The following BRI3 variants were observed in gnomAD, a reference collection of about 807,000 sequenced individuals.
BRI3 encodes the protein membrane protein BRI3.
A neutral mutation model predicts 12.8 loss-of-function variants in BRI3; 6 were observed. The observed-to-expected ratio is 0.47, with a 90% CI of 0.26 to 0.93. BRI3 has a LOEUF of 0.93. Among genes scored for constraint, BRI3 ranks in the 40% least tolerant of loss-of-function variants. The pLI is 0.15. For missense variants in BRI3, 134 were observed against 171.1 expected (o/e 0.78, Z 1.21); for synonymous variants, 91 against 76.1 (o/e 1.20, Z -1.02).
downstream of BRI3, chr7:98,293,324 T>C (rs1800047536): frequency 3.7e-6 from 2 of 536,710 alleles, no homozygotes; most frequent in Admixed American, 3.4e-5. Context: ...CATTAGACTA[T>C]TACTCATTTA....
downstream of BRI3, among the ~76,000 whole-genome samples, chr7:98,312,995 T>C (rs891678291): frequency 2.0e-5 from 3 of 152,260 alleles, no homozygotes; most frequent in African/African-American, 7.2e-5. Context: ...CAGGAGCCTG[T>C]CCTGCGGCTG....
At chr7:98,291,070 G>C in intron 2 of BRI3, 41 bp from the exon 3 acceptor site, 1 of 1,612,324 alleles carries the variant, frequency 6.2e-7, no homozygotes, top group Middle Eastern at 1.7e-4. Context: ...TGGCTGCCCG[G>C]GTCCTTACGG....
chr7:98,320,332 C>G, the BRI3 span: 3 of 1,501,446 alleles, frequency 2.0e-6, no homozygotes, highest in Middle Eastern at 1.7e-4. Flanking sequence ...AGCGGGAAGC[C>G]ATTGCGTATT....
At chr7:98,283,205 G>A (rs945478870) in intron 2 of BRI3, among the ~76,000 whole-genome samples, 2 of 151,988 alleles carry the variant, frequency 1.3e-5, no homozygotes, top group African/African-American at 4.8e-5. Flanking sequence ...AGAGTTGGCC[G>A]GGACAGGGTT....
chr7:98,315,513 G>C, the BRI3 span: 76 of 1,520,700 alleles, frequency 5.0e-5, no homozygotes, highest in Non-Finnish European at 6.6e-5. Context: ...TTATCAACCA[G>C]AAAGCAGAAG....
chr7:98,312,118 G>C, downstream of BRI3: 1 of 1,607,774 alleles, frequency 6.2e-7, no homozygotes, highest in Non-Finnish European at 8.5e-7. Context: ...TCTCGATCAT[G>C]GGTGAAGCCT....
downstream of BRI3, chr7:98,294,019 A>G (rs548665195): frequency 1.0e-4 from 160 of 1,583,532 alleles, no homozygotes; most frequent in African/African-American, 4.0e-5. Flanking sequence ...TCCGGGGGAC[A>G]CTACAGGGAA....
chr7:98,304,210 C>T (rs373469430), upstream of BRI3: 264 of 1,600,282 alleles, frequency 1.6e-4, no homozygotes, highest in Non-Finnish European at 2.1e-4. Flanking sequence ...GCCGCGGTCT[C>T]GGGCTTGGAC....
chr7:98,294,519 G>C (rs1418534839), downstream of BRI3, among the ~76,000 whole-genome samples: 2 of 152,190 alleles, frequency 1.3e-5, no homozygotes, highest in Non-Finnish European at 2.9e-5. Context: ...GCTCACATGT[G>C]AACGAGCCGC....
upstream of BRI3, chr7:98,304,066 C>T: frequency 1.0e-6 from 1 of 973,174 alleles, no homozygotes; most frequent in Non-Finnish European, 1.4e-6. Flanking sequence ...GTCCCCTCCT[C>T]CCTCCTCCCC....
Position 98,281,903 on chromosome 7 carries a change from GC to G in BRI3, c.113del (p.Pro38ArgfsTer38), listed in dbSNP as rs1256212689. 7.7e-7 allele frequency: 1 copy of G among 1,290,994 alleles called. No individual in the cohort carries two copies. The highest frequency in any genetic ancestry group is 9.8e-7 in the Non-Finnish European group (1 of 1,018,986). The allele number at this position is 1,290,994 out of a possible 1,614,324, so 80.0% of individuals were successfully genotyped here. Reference sequence around the variant, plus strand: ...ACGGCTACGGCGCCATCCCCGCCGCGCCCCCGCCGCCGCCCTACCCCTACCT... The same window carrying G: ...ACGGCTACGGCGCCATCCCCGCCGCGCCCCGCCGCCGCCCTACCCCTACCT... ...PHGYGAIPAA[P>X]PPPPYPYLVT... On this transcript the variant is annotated frameshift_variant, in exon 1 of 3. Transcript: ENST00000297290. LOFTEE classifies it high-confidence loss of function.
At chr7:98,314,580 CTG>C (rs1042092002), downstream of BRI3, among the ~76,000 whole-genome samples, 2 of 152,166 alleles carry the variant, frequency 1.3e-5, no homozygotes, top group East Asian at 1.9e-4. Context: ...AACCTCACAG[CTG>C]TGTGTGTTGG....
At chr7:98,312,416 C>G, downstream of BRI3, 1 of 797,178 alleles carries the variant, frequency 1.3e-6, no homozygotes, top group Non-Finnish European at 1.9e-6. Context: ...CTTTAAGCAC[C>G]TAGAGGATCA....
chr7:98,300,140 T>G lies in BRI3; in HGVS notation c.72-6343T>G, dbSNP rs544577807. Among the ~76,000 whole-genome samples, 37 of 152,386 alleles carry G rather than the reference T, an allele frequency of 2.4e-4. 1 individual carries two copies. The East Asian group carries it at 7.1e-3, about 29-fold the overall frequency. ...TCTGCTGCCCTGTGTGCCCTGTGGC[T>G]GCTGGACTGGGCAGGGAACATTTCC... On this transcript the variant is annotated intron_variant and NMD_transcript_variant, in intron 1 of 2. Transcript: ENST00000491463.
chr7:98,281,716 TC>T lies in BRI3; in HGVS notation c.-76del. On this transcript the variant is annotated 5_prime_UTR_variant, in exon 1 of 3. Transcript: ENST00000297290. ...GGCCCGAGCCACCCGGTCCGCCGCG[TC>T]CCCGCCGCCGCCGCCGCGTCCCCCG... The T allele has an allele frequency of 2.9e-6, 2 of 684,390 alleles. No individual in the cohort carries two copies. Among genetic ancestry groups the T allele is most frequent in the Non-Finnish European group, 3.5e-6 (2 of 565,144 alleles). The allele number at this position is 684,390 out of a possible 1,614,324, so 42.4% of individuals were successfully genotyped here.
downstream of BRI3, chr7:98,312,015 T>C: frequency 7.1e-7 from 1 of 1,409,802 alleles, no homozygotes; most frequent in Non-Finnish European, 9.6e-7. Context: ...GGACCTGTGA[T>C]TCCCACCAAC....
chr7:98,301,369 G>A (rs1800411630), intron 1 of BRI3, among the ~76,000 whole-genome samples: 1 of 152,110 alleles, frequency 6.6e-6, no homozygotes, highest in African/African-American at 2.4e-5. Flanking sequence ...CGCATAAGGA[G>A]GGCATTCTCA....
chr7:98,311,755 A>C (rs186340598), downstream of BRI3, among the ~76,000 whole-genome samples: 2 of 151,964 alleles, frequency 1.3e-5, no homozygotes, highest in Non-Finnish European at 2.9e-5. Context: ...ATAATACAAA[A>C]ATTAGCCAGG....
intron 1 of BRI3, 54 bp from the exon 2 acceptor site, chr7:98,282,297 T>C: frequency 7.0e-7 from 1 of 1,438,656 alleles, no homozygotes; most frequent in Non-Finnish European, 9.8e-7. Context: ...GTAGTCCCCG[T>C]GGCGGTCCGA....
Sources: allele counts gnomAD v4.1 joint callset (sites outside exome capture counted in the v4.1 genomes callset), GRCh38; gene constraint gnomAD v4.1.1; transcripts MANE v1.5; gene names NCBI Gene and HGNC (gene_info 2026-07-23, HGNC 2026-07-21).